RPUSD1: variants seen among roughly 807,000 people sequenced by gnomAD.
RPUSD1 encodes RNA pseudouridine synthase domain containing 1.
RPUSD1 carries 28 observed loss-of-function variants against 22.4 expected under a neutral mutation model. The observed-to-expected ratio is 1.25, with a 90% CI of 0.93 to 1.72. RPUSD1 has a LOEUF of 1.72. Ranked by LOEUF, RPUSD1 falls within the 40% of genes most tolerant of loss-of-function variation. RPUSD1 has a pLI of 0.00. For synonymous variants in RPUSD1, 298 were observed against 201.0 expected (o/e 1.48, Z -4.08); for missense variants, 596 against 442.2 (o/e 1.35, Z -3.12).
At chr16:786,480 G>C (rs1449371204) in intron 5 of RPUSD1, 103 bp from the exon 6 acceptor site, 16 of 1,172,108 alleles carry the variant, frequency 1.4e-5, no homozygotes, top group Non-Finnish European at 1.2e-6. Flanking sequence ...CTGCAGTCTT[G>C]AAGCAGCCTC....
intron 1 of RPUSD1, 148 bp downstream of exon 1, chr16:788,108 G>C (rs1423112058): frequency 2.1e-6 from 1 of 472,526 alleles, no homozygotes; most frequent in East Asian, 6.3e-5. Flanking sequence ...TACCAGGCCC[G>C]GCAGCCAGGT....
intron 1 of RPUSD1, 149 bp downstream of exon 1, chr16:788,107 C>T (rs765107763): frequency 4.2e-6 from 2 of 471,962 alleles, no homozygotes; most frequent in African/African-American, 2.0e-5. Context: ...CTACCAGGCC[C>T]GGCAGCCAGG....
At position 787,868 on chromosome 16, in the gene RPUSD1, C is replaced by T. The variant is rs551847854; in HGVS notation, c.-7-124G>A. ...GAAGCCACCGAGCCGGGTCCGCAGC[C>T]CTACTGTGCACCTGCATCCTCAGTC... On this transcript the variant is annotated intron_variant, in intron 1 of 5. Transcript: ENST00000007264. 1.0e-3 allele frequency: 930 copies of T among 924,604 alleles called. 4 individuals carry two copies. The African/African-American group carries it at 0.014, about 14-fold the overall frequency. The allele number at this position is 924,604 out of a possible 1,614,324, so 57.3% of individuals were successfully genotyped here.
At chr16:786,964 C>T in intron 4 of RPUSD1, 36 bp from the exon 5 acceptor site, 1 of 1,602,500 alleles carries the variant, frequency 6.2e-7, no homozygotes, top group Non-Finnish European at 8.5e-7. Flanking sequence ...GTTAGTGGGA[C>T]TGACCCGGGG....
rs1333937962 is a variant in RPUSD1 at position 787,111 on chromosome 16, G to A, written c.375C>T (p.Gly125=). 1.9e-6 allele frequency: 3 copies of A among 1,607,300 alleles called. No homozygotes were observed. Among genetic ancestry groups the A allele is most frequent in the Admixed American group, 3.3e-5 (2 of 59,842 alleles). Residue 125 remains glycine, a synonymous_variant, in exon 4 of 6, where the codon GGC becomes GGT. Coordinates refer to ENST00000007264, the MANE Select transcript of RPUSD1 (RefSeq NM_058192.3). ...CCTCGATGCACATGGTGTGGGCCCG[G>A]CCCTCCGTGCTGTTCCTGCCAATGG... ...SHAIGRNSTE[G]RAHTMCIEGS...
In RPUSD1 at chr16:787,665, A is replaced by G. The variant is rs1405271990; in HGVS notation, c.73T>C (p.Trp25Arg). Reference protein sequence around the residue: ...SRDFLVVNKHWDVRIDSKAWR... With the variant: ...SRDFLVVNKHRDVRIDSKAWR... ...GCCTTGCTGTCAATGCGAACGTCCC[A>G]GTGCTTGTTGACCACCAGGAAGTCG... Residue 25 changes from tryptophan (W) to arginine (R), a missense_variant, in exon 2 of 6, where the codon TGG becomes CGG. Physicochemically the swap from Trp to Arg is moderately radical, Grantham distance 101. Coordinates refer to ENST00000007264, the MANE Select transcript of RPUSD1 (RefSeq NM_058192.3). 1 of 1,612,370 alleles carries G rather than the reference A, an allele frequency of 6.2e-7. No homozygotes were observed. The highest frequency in any genetic ancestry group is 1.1e-5 in the South Asian group (1 of 91,084).
chr16:785,867 G>A lies in RPUSD1; in HGVS notation c.*83C>T. ...TGCTGCCTGGCACCTCGAGGCCCCAGAGCCAGTGAGCAGACGCTCGCTCGC... is the reference window on the plus strand; with the variant it reads ...TGCTGCCTGGCACCTCGAGGCCCCAAAGCCAGTGAGCAGACGCTCGCTCGC... On this transcript the variant is annotated 3_prime_UTR_variant, in exon 6 of 6. Coordinates refer to ENST00000007264, the MANE Select transcript of RPUSD1 (RefSeq NM_058192.3). 2 of 1,245,578 alleles carry A rather than the reference G, an allele frequency of 1.6e-6. No individual in the cohort carries two copies. The highest frequency in any genetic ancestry group is 1.1e-6 in the Non-Finnish European group (1 of 952,102). The allele number at this position is 1,245,578 out of a possible 1,614,324, so 77.2% of individuals were successfully genotyped here.
Position 785,949 on chromosome 16 carries a change from C to T in RPUSD1, c.*1G>A. 2 of 1,435,024 alleles carry T rather than the reference C, an allele frequency of 1.4e-6. No homozygotes were observed. Among genetic ancestry groups the T allele is most frequent in the African/African-American group, 1.4e-5 (1 of 69,814 alleles). The allele number at this position is 1,435,024 out of a possible 1,614,324, so 88.9% of individuals were successfully genotyped here. A position where few individuals can be genotyped will look rare whatever the true frequency, so the allele number is the denominator to read the frequency against. On this transcript the variant is annotated 3_prime_UTR_variant, in exon 6 of 6. Transcript: ENST00000007264. ...CACCCCCTGCCCCAGCCCCACGGCT[C>T]TCAGCTGTCCGGTTCCAGCGTCCAC...
At chr16:786,746 G>C (rs770052265) in intron 5 of RPUSD1, 81 bp downstream of exon 5, 1 of 1,136,008 alleles carries the variant, frequency 8.8e-7, no homozygotes, top group African/African-American at 1.5e-5. Context: ...TGATGCTCAG[G>C]GTGGCCCAAC....
intron 5 of RPUSD1, 164 bp downstream of exon 5, chr16:786,663 T>G: frequency 2.6e-6 from 2 of 756,220 alleles, no homozygotes; most frequent in South Asian, 2.9e-5. Context: ...AGGGACCCTG[T>G]GTCAGGTGAG....
Position 787,643 on chromosome 16 carries a change from T to G in RPUSD1, c.95A>C (p.Lys32Thr). 6.2e-7 allele frequency: 1 copy of G among 1,612,332 alleles called. No individual in the cohort carries two copies. ...CAGGGTCAGAGTCTCCCGCCACGCC[T>G]TGCTGTCAATGCGAACGTCCCAGTG... Reference protein sequence around the residue: ...NKHWDVRIDSKAWRETLTLQK... With the variant: ...NKHWDVRIDSTAWRETLTLQK... The change falls in exon 2 of 6, where the codon AAG becomes ACG. Residue 32 changes from lysine to threonine, a missense_variant. Transcript: ENST00000007264.
rs879013992 is a variant in RPUSD1, at chr16:785,891, G to A, written c.*59C>T. 3 of 1,335,064 alleles carry A rather than the reference G, an allele frequency of 2.2e-6. No homozygotes were observed. The highest frequency in any genetic ancestry group is 2.9e-6 in the Non-Finnish European group (3 of 1,028,654). The allele number at this position is 1,335,064 out of a possible 1,614,324, so 82.7% of individuals were successfully genotyped here. On this transcript the variant is annotated 3_prime_UTR_variant, in exon 6 of 6. Transcript: ENST00000007264. ...AGAGCCAGTGAGCAGACGCTCGCTC[G>A]CCCATCTCCCTAGAGTCCCGCTGTG...
chr16:787,556 C>T lies in RPUSD1; in HGVS notation c.182G>A (p.Arg61Lys). 1 of 1,610,224 alleles carries T rather than the reference C, an allele frequency of 6.2e-7. No individual in the cohort carries two copies. The highest frequency in any genetic ancestry group is 1.1e-5 in the South Asian group (1 of 90,954). ...GTGGGGCTCCGGCCGCCCCCCCTAC[C>T]TGAACCCGTAGCAGGTGTCAGGGTC... ...LADPDTCYGF[R>K]FCHQLDFSTS... Residue 61 changes from arginine (R) to lysine (K), a missense_variant and splice_region_variant, in exon 2 of 6, where the codon AGG (arginine) becomes AAG (lysine). By Grantham distance (26) the Arg-to-Lys change is conservative. Coordinates refer to ENST00000007264, the MANE Select transcript of RPUSD1 (RefSeq NM_058192.3).
chr16:786,083 G>A lies in RPUSD1; in HGVS notation c.806C>T (p.Pro269Leu). The A allele has an allele frequency of 1.3e-6, 2 of 1,569,160 alleles. No individual in the cohort carries two copies. The highest frequency in any genetic ancestry group is 8.7e-7 in the Non-Finnish European group (1 of 1,154,270). Residue 269 changes from proline (P) to leucine (L), a missense_variant, in exon 6 of 6, where the codon CCA (proline) becomes CTA (leucine). Physicochemically the swap from Pro to Leu is moderately conservative, Grantham distance 98. Transcript: ENST00000007264. ...AGGCAGGAGTGCGGAGGGGCTGCCT[G>A]GCCTGGGGCCCCTATCCTCGGGGTC... The part of the protein sequence containing the change: ...DPDPEDRGPR[P>L]GSPSALLPGP...
chr16:786,773 T>C (rs746421840), intron 5 of RPUSD1, 54 bp downstream of exon 5: 3 of 1,445,324 alleles, frequency 2.1e-6, no homozygotes, highest in Non-Finnish European at 2.9e-6. Context: ...TTCGTGGCCC[T>C]GTGCCTCAGT....
chr16:787,919 G>T, intron 1 of RPUSD1, 175 bp from the exon 2 acceptor site: 1 of 643,502 alleles, frequency 1.6e-6, no homozygotes. Flanking sequence ...CAGGGCGTCA[G>T]CTGGGGAGTC....
rs1221911132 is a variant in RPUSD1, at chr16:787,554, A to T, written c.182+2T>A. On this transcript the variant is annotated splice_donor_variant, in intron 2 of 5. Transcript: ENST00000007264. LOFTEE classifies it high-confidence loss of function. ...CCGTGGGGCTCCGGCCGCCCCCCCTACCTGAACCCGTAGCAGGTGTCAGGG... is the reference window on the plus strand; with the variant it reads ...CCGTGGGGCTCCGGCCGCCCCCCCTTCCTGAACCCGTAGCAGGTGTCAGGG... The T allele has an allele frequency of 6.2e-7, 1 of 1,609,592 alleles. No homozygotes were observed. Among genetic ancestry groups the T allele is most frequent in the Non-Finnish European group, 8.5e-7 (1 of 1,179,398 alleles).
rs1361888859 is a variant in RPUSD1 at position 787,680 on chromosome 16, C to G, written c.58G>C (p.Val20Leu). Residue 20 changes from valine to leucine, a missense_variant, in exon 2 of 6, where the codon GTG becomes CTG. Coordinates refer to ENST00000007264, the MANE Select transcript of RPUSD1 (RefSeq NM_058192.3). The part of the protein sequence containing the change: ...SIVYRSRDFL[V>L]VNKHWDVRID... ...CGAACGTCCCAGTGCTTGTTGACCA[C>G]CAGGAAGTCGCGGCTCCGGTACACG... 1 of 1,612,314 alleles carries G rather than the reference C, an allele frequency of 6.2e-7. No homozygotes were observed. The highest frequency in any genetic ancestry group is 8.5e-7 in the Non-Finnish European group (1 of 1,179,956).
intron 5 of RPUSD1, 49 bp downstream of exon 5, chr16:786,778 C>T: frequency 6.7e-7 from 1 of 1,489,392 alleles, no homozygotes; most frequent in South Asian, 1.1e-5. Context: ...GGCCCTGTGC[C>T]TCAGTTTCCC....
Sources: allele counts gnomAD v4.1 joint callset, GRCh38; gene constraint gnomAD v4.1.1; transcripts MANE v1.5; gene names NCBI Gene and HGNC (gene_info 2026-07-23, HGNC 2026-07-21).